DSCAM: variants seen among roughly 807,000 people sequenced by gnomAD.
DSCAM encodes DS cell adhesion molecule.
DSCAM carries 47 observed loss-of-function variants against 217.7 expected under a neutral mutation model. The observed-to-expected ratio is 0.22, with a 90% CI of 0.17 to 0.28. The LOEUF (loss-of-function observed/expected upper bound fraction) is 0.28, where lower values mean the gene tolerates loss of function less well. Ranked by LOEUF, DSCAM falls within the 10% of genes least tolerant of loss-of-function variation. The probability of loss-of-function intolerance (pLI) is 1.00; values close to 1 mark genes in which losing one functional copy is unlikely to be tolerated. For missense variants in DSCAM, 2,080 were observed against 2,618.3 expected (o/e 0.79, Z 4.49); for synonymous variants, 1,056 against 1,015.3 (o/e 1.04, Z -0.76).
chr21:40,361,017 G>C (rs2074757361), intron 4 of DSCAM, among the ~76,000 whole-genome samples: 1 of 152,098 alleles, frequency 6.6e-6, no homozygotes, highest in Non-Finnish European at 1.5e-5. Flanking sequence ...CAATGCTTGA[G>C]ACAGGCTCTT....
intron 1 of DSCAM, among the ~76,000 whole-genome samples, chr21:40,844,911 T>C (rs942349173): frequency 6.6e-6 from 1 of 152,234 alleles, no homozygotes; most frequent in Middle Eastern, 3.2e-3. Flanking sequence ...TTGTTTCTTC[T>C]TATAACCCAG....
chr21:40,509,943 T>C (rs1308076887), intron 3 of DSCAM, among the ~76,000 whole-genome samples: 1 of 152,014 alleles, frequency 6.6e-6, no homozygotes, highest in Non-Finnish European at 1.5e-5. Flanking sequence ...GCTAACACAG[T>C]GAAACCCCGT....
chr21:40,401,408 T>C (rs1380061011), intron 3 of DSCAM, among the ~76,000 whole-genome samples: 1 of 149,770 alleles, frequency 6.7e-6, no homozygotes, highest in Non-Finnish European at 1.5e-5. Context: ...TTTTTTTTTC[T>C]GTTAGTGTGT....
intron 30 of DSCAM, among the ~76,000 whole-genome samples, chr21:40,051,195 C>G (rs1568913893): frequency 6.6e-6 from 1 of 152,012 alleles, no homozygotes; most frequent in Non-Finnish European, 1.5e-5. Flanking sequence ...TCAAAGTTTC[C>G]AAAATGATAA....
chr21:40,571,960 A>ATTAGGGATGT (rs1311343984), intron 3 of DSCAM, among the ~76,000 whole-genome samples: 4 of 152,334 alleles, frequency 2.6e-5, no homozygotes, highest in African/African-American at 9.6e-5. Flanking sequence ...TGCACATTTC[A>ATTAGGGATGT]TTAGGGATGT....
At chr21:40,136,774 C>T (rs1038427761) in intron 18 of DSCAM, among the ~76,000 whole-genome samples, 3 of 152,178 alleles carry the variant, frequency 2.0e-5, no homozygotes, top group Middle Eastern at 3.4e-3. Flanking sequence ...TGTGACCCTC[C>T]GGCAAATACT....
chr21:40,705,641 G>T (rs1041728046), intron 2 of DSCAM, among the ~76,000 whole-genome samples: 1 of 152,148 alleles, frequency 6.6e-6, no homozygotes, highest in Admixed American at 6.5e-5. Context: ...CAGATCTCGT[G>T]AGACTCACTC....
At chr21:40,176,773 TG>T (rs1240777118) in intron 15 of DSCAM, among the ~76,000 whole-genome samples, 1 of 152,198 alleles carries the variant, frequency 6.6e-6, no homozygotes, top group Non-Finnish European at 1.5e-5. Context: ...AAGGCCAGCC[TG>T]GGAGCCAAAG....
chr21:40,621,472 G>A (rs975825832), intron 3 of DSCAM: 2 of 152,128 alleles, frequency 1.3e-5, no homozygotes, highest in Admixed American at 6.5e-5. Context: ...GGAGAGGCTT[G>A]AGGATCACTG....
intron 3 of DSCAM, among the ~76,000 whole-genome samples, chr21:40,381,079 A>AAG (rs923955643): frequency 2.0e-5 from 3 of 149,896 alleles, no homozygotes; most frequent in African/African-American, 5.0e-5. Context: ...AAAAAAAAAA[A>AAG]AAAAAGAAAA....
chr21:40,225,304 C>T (rs1295316102), intron 11 of DSCAM, among the ~76,000 whole-genome samples: 3 of 152,154 alleles, frequency 2.0e-5, no homozygotes, highest in Non-Finnish European at 4.4e-5. Flanking sequence ...TTCACGGCTG[C>T]ACCTTGCCCT....
chr21:40,070,337 TAGGGAAGGAGGGAGGG>T (rs1327314311), intron 27 of DSCAM, among the ~76,000 whole-genome samples: 6 of 61,818 alleles, frequency 9.7e-5, no homozygotes, highest in Non-Finnish European at 1.9e-4. Context: ...AGAAGGAAGG[TAGGGAAGGAGGGAGGG>T]AGGGAAGGAG....
intron 3 of DSCAM, among the ~76,000 whole-genome samples, chr21:40,488,703 T>C (rs1275101402): frequency 6.6e-6 from 1 of 152,196 alleles, no homozygotes; most frequent in East Asian, 1.9e-4. Flanking sequence ...GCTCGAACAG[T>C]GAAAAGAAAA....
At chr21:40,211,930 T>A (rs1370398917) in intron 11 of DSCAM, among the ~76,000 whole-genome samples, 1 of 150,186 alleles carries the variant, frequency 6.7e-6, no homozygotes, top group African/African-American at 2.4e-5. Context: ...TGTGTGTGTG[T>A]GGGTTTTGTT....
intron 1 of DSCAM, among the ~76,000 whole-genome samples, chr21:40,747,984 C>A (rs1046952386): frequency 6.6e-5 from 10 of 151,796 alleles, no homozygotes; most frequent in Admixed American, 2.6e-4. Context: ...ATGATAATTT[C>A]AATAGATGCT....
Position 40,189,045 on chromosome 21 carries a change from C to A in DSCAM, c.2550G>T (p.Leu850=). ...GTTGTATTTGCCATGCTTTTACCTG[C>A]AGAGTAGAAATCACCTCTTCTCCCA... The part of the protein sequence containing the change: ...KEVGEEVIST[L]QILPTVREDS... Residue 850 remains leucine, a synonymous_variant, in exon 12 of 33, where the codon CTG becomes CTT. Transcript: ENST00000400454. 1.2e-6 allele frequency: 2 copies of A among 1,614,026 alleles called. No individual in the cohort carries two copies. The highest frequency in any genetic ancestry group is 1.7e-6 in the Non-Finnish European group (2 of 1,179,938).
At chr21:40,286,650 A>G (rs544828809) in intron 10 of DSCAM, among the ~76,000 whole-genome samples, 43 of 142,216 alleles carry the variant, frequency 3.0e-4, no homozygotes, top group African/African-American at 1.2e-3. Context: ...TTTTGAATGT[A>G]CAACCTGCAG....
intron 11 of DSCAM, among the ~76,000 whole-genome samples, chr21:40,237,697 T>C (rs1172456772): frequency 6.6e-6 from 1 of 152,228 alleles, no homozygotes; most frequent in Non-Finnish European, 1.5e-5. Context: ...GTCTTTATAG[T>C]AGAATAACTT....
intron 3 of DSCAM, among the ~76,000 whole-genome samples, chr21:40,576,120 C>T (rs1037526632): frequency 6.6e-6 from 1 of 152,118 alleles, no homozygotes; most frequent in African/African-American, 2.4e-5. Flanking sequence ...GAAATCCTAA[C>T]ATATGTTCAC....
Sources: allele counts gnomAD v4.1 joint callset (sites outside exome capture counted in the v4.1 genomes callset), GRCh38; gene constraint gnomAD v4.1.1; transcripts MANE v1.5; gene names NCBI Gene and HGNC (gene_info 2026-07-23, HGNC 2026-07-21).